The following BMPR2 variants were observed in gnomAD, a reference collection of about 807,000 sequenced individuals.
The protein encoded by BMPR2 is bone morphogenetic protein receptor type 2.
In BMPR2, 29 loss-of-function variants were observed where a neutral mutation model predicts 100.8. That is an observed-to-expected ratio of 0.29 (90% CI 0.21 to 0.39). BMPR2 has a LOEUF of 0.39. BMPR2 is among the 10% of genes least tolerant of loss of function. BMPR2 has a pLI of 1.00. For missense variants in BMPR2, 1,011 were observed against 1,274.5 expected, an observed-to-expected ratio of 0.79 and a Z score of 3.15; for synonymous variants, 382 against 442.3, an observed-to-expected ratio of 0.86 and a Z score of 1.71.
At chr2:202,400,101 G>A (rs1690739812) in intron 1 of BMPR2, among the ~76,000 whole-genome samples, 1 of 151,804 alleles carries the variant, frequency 6.6e-6, no homozygotes, top group Non-Finnish European at 1.5e-5. Context: ...GTGACGGAGC[G>A]AGACCCTGTC....
chr2:202,559,588 A>T (rs1460687651), intron 12 of BMPR2, 108 bp from the exon 13 acceptor site: 3 of 1,224,908 alleles, frequency 2.4e-6, no homozygotes, highest in Admixed American at 4.0e-5. Flanking sequence ...AGAAATGTTC[A>T]TTAGCACCCT....
intron 1 of BMPR2, among the ~76,000 whole-genome samples, chr2:202,411,353 A>G (rs771209787): frequency 2.0e-5 from 3 of 152,254 alleles, no homozygotes; most frequent in Admixed American, 6.5e-5. Flanking sequence ...AGGCACTCCA[A>G]TGAGCTGAGC....
At chr2:202,559,644 G>A (rs1281076415) in intron 12 of BMPR2, 52 bp from the exon 13 acceptor site, 14 of 1,593,214 alleles carry the variant, frequency 8.8e-6, no homozygotes, top group Admixed American at 1.7e-5. Context: ...TCCCTTACCC[G>A]TTATTTCTTA....
At chr2:202,546,259 A>G (rs1158570363) in intron 10 of BMPR2, among the ~76,000 whole-genome samples, 1 of 152,222 alleles carries the variant, frequency 6.6e-6, no homozygotes, top group Admixed American at 6.5e-5. Context: ...AAATGCAGCT[A>G]TGTCTAAAGA....
chr2:202,503,454 G>T lies in BMPR2; in HGVS notation c.419-10265G>T, dbSNP rs965129350. 6.6e-6 allele frequency among the ~76,000 whole-genome samples: 1 copy of T among 152,366 alleles called. No individual in the cohort carries two copies. Among genetic ancestry groups the T allele is most frequent in the Non-Finnish European group, 1.5e-5 (1 of 68,028 alleles). On this transcript the variant is annotated intron_variant, in intron 3 of 12. Transcript: ENST00000374580. This position sits in a 1 kb window ranked among gnomAD's most constrained non-coding sequence, Gnocchi z 4.0. ...CAGCCGGAGTTCCGGTTGGGCATGGGCTTGGCGGGCCCCGCACTCGGAGCA... is the reference window on the plus strand; with the variant it reads ...CAGCCGGAGTTCCGGTTGGGCATGGTCTTGGCGGGCCCCGCACTCGGAGCA...
At chr2:202,456,899 T>A (rs1208778325) in intron 1 of BMPR2, among the ~76,000 whole-genome samples, 1 of 152,204 alleles carries the variant, frequency 6.6e-6, no homozygotes, top group African/African-American at 2.4e-5. Context: ...AACTATACAG[T>A]ATACATGGCT....
At chr2:202,525,438 C>T (rs866823937) in intron 7 of BMPR2, among the ~76,000 whole-genome samples, 1 of 152,114 alleles carries the variant, frequency 6.6e-6, no homozygotes, top group East Asian at 1.9e-4. Flanking sequence ...CTCAGGTGAG[C>T]CGCCCACCTC....
chr2:202,426,818 G>T (rs1490048048), intron 1 of BMPR2, among the ~76,000 whole-genome samples: 1 of 152,106 alleles, frequency 6.6e-6, no homozygotes, highest in African/African-American at 2.4e-5. Flanking sequence ...GGAGTTTGAG[G>T]CTTCAGTGAG....
intron 1 of BMPR2, among the ~76,000 whole-genome samples, chr2:202,401,457 T>C (rs934563892): frequency 5.3e-5 from 8 of 152,224 alleles, no homozygotes; most frequent in African/African-American, 1.9e-4. Flanking sequence ...AAAAGTGGTT[T>C]GTTTTGCTAA....
chr2:202,461,479 G>A (rs1048451908), intron 1 of BMPR2, among the ~76,000 whole-genome samples: 3 of 151,654 alleles, frequency 2.0e-5, no homozygotes, highest in Admixed American at 6.6e-5. Flanking sequence ...GCAAGACTCC[G>A]TCTCAAAAAA....
chr2:202,550,862 G>A (rs896437316), intron 10 of BMPR2, among the ~76,000 whole-genome samples: 3 of 149,170 alleles, frequency 2.0e-5, no homozygotes, highest in African/African-American at 7.4e-5. Context: ...GGCTTTTATA[G>A]TTACCTAAGT....
At chr2:202,394,282 C>G (rs1164309762) in intron 1 of BMPR2, among the ~76,000 whole-genome samples, 1 of 151,602 alleles carries the variant, frequency 6.6e-6, no homozygotes, top group Non-Finnish European at 1.5e-5. Context: ...ACCCGGAAGG[C>G]GGAGGTTGCA....
chr2:202,498,548 C>T (rs1006058676), intron 3 of BMPR2, among the ~76,000 whole-genome samples: 3 of 152,122 alleles, frequency 2.0e-5, no homozygotes, highest in Non-Finnish European at 4.4e-5. Context: ...CTATTCCGAT[C>T]AGCAGGGTCC....
Position 202,556,151 on chromosome 2 carries a change from C to T in BMPR2, c.2486C>T (p.Thr829Ile), listed in dbSNP as rs1198438976. The change falls in exon 12 of 13, where the codon ACA becomes ATA. Residue 829 changes from threonine (T) to isoleucine (I), a missense_variant. This residue lies in a region of BMPR2 where 508 missense variants were observed against 552.0 expected (regional missense o/e 0.92). Transcript: ENST00000374580. Reference protein sequence around the residue: ...HAATTQYANGTVLSGQTTNIV... With the variant: ...HAATTQYANGIVLSGQTTNIV... ...GCCACAACCCAATATGCCAATGGGA[C>T]AGTACTATCTGGCCAAACAACCAAC... 4 of 1,613,338 alleles carry T rather than the reference C, an allele frequency of 2.5e-6. No individual in the cohort carries two copies. The highest frequency in any genetic ancestry group is 1.7e-6 in the Non-Finnish European group (2 of 1,179,432).
intron 7 of BMPR2, among the ~76,000 whole-genome samples, chr2:202,524,557 G>A (rs572486178): frequency 2.4e-4 from 36 of 151,888 alleles, no homozygotes; most frequent in African/African-American, 7.7e-4. Flanking sequence ...AGGCTGAGAC[G>A]GGCAGAGAGC....
intron 3 of BMPR2, among the ~76,000 whole-genome samples, chr2:202,501,331 G>A (rs1687386230): frequency 6.6e-6 from 1 of 152,174 alleles, no homozygotes; most frequent in Non-Finnish European, 1.5e-5. Flanking sequence ...AGATAGCCAG[G>A]CTCCTCTATA....
intron 7 of BMPR2, among the ~76,000 whole-genome samples, chr2:202,528,001 A>G (rs1687949936): frequency 6.6e-6 from 1 of 151,882 alleles, no homozygotes; most frequent in Non-Finnish European, 1.5e-5. Context: ...TAGCCTCGGC[A>G]ACATAGTGAG....
At position 202,560,814 on chromosome 2, in the gene BMPR2, G is replaced by A. The variant is rs1024890197; in HGVS notation, c.*868G>A. The A allele has an allele frequency of 6.6e-6, 1 of 152,362 alleles. No homozygotes were observed. Among genetic ancestry groups the A allele is most frequent in the African/African-American group, 2.4e-5 (1 of 41,406 alleles). The allele number at this position is 152,362 out of a possible 1,614,324, so 9.4% of individuals were successfully genotyped here. Reference sequence around the variant, plus strand: ...TAAGAGAGAATAGAACAAAATACAGGACATCAAATATTAGCCATTTCCCAT... The same window carrying A: ...TAAGAGAGAATAGAACAAAATACAGAACATCAAATATTAGCCATTTCCCAT... On this transcript the variant is annotated 3_prime_UTR_variant, in exon 13 of 13. Transcript: ENST00000374580.
chr2:202,534,211 G>A (rs1341331670), intron 9 of BMPR2, among the ~76,000 whole-genome samples: 1 of 71,172 alleles, frequency 1.4e-5, no homozygotes, highest in Non-Finnish European at 3.6e-5. Context: ...TATATGTATC[G>A]TGTGTGTGTG....
Sources: allele counts gnomAD v4.1 joint callset (sites outside exome capture counted in the v4.1 genomes callset), GRCh38; gene constraint gnomAD v4.1.1; regional missense constraint gnomAD v4.1.1; non-coding constraint Gnocchi (gnomAD v3.1); transcripts MANE v1.5; gene names NCBI Gene and HGNC (gene_info 2026-07-23, HGNC 2026-07-21).